The following DNAJC1 variants were observed in gnomAD, a reference collection of about 807,000 sequenced individuals.
DNAJC1 encodes dnaJ homolog subfamily C member 1.
A neutral mutation model predicts 76.6 loss-of-function variants in DNAJC1; 58 were observed. The ratio of observed to expected loss-of-function variants is 0.76; its 90% confidence interval spans 0.61 to 0.94. DNAJC1 has a LOEUF of 0.94. Ranked by LOEUF, DNAJC1 falls within the 40% of genes least tolerant of loss-of-function variation. The probability of loss-of-function intolerance (pLI) is 0.00; values close to 1 mark genes in which losing one functional copy is unlikely to be tolerated. For synonymous variants in DNAJC1, 258 were observed against 267.9 expected, an observed-to-expected ratio of 0.96 and a Z score of 0.36; for missense variants, 689 against 677.3, an observed-to-expected ratio of 1.02 and a Z score of -0.19.
At chr10:21,809,548 T>TATTAGATATACATAACAC (rs1360985958) in intron 8 of DNAJC1, among the ~76,000 whole-genome samples, 4 of 151,232 alleles carry the variant, frequency 2.6e-5, no homozygotes, top group Non-Finnish European at 5.9e-5. Flanking sequence ...TATAACATAT[T>TATTAGATATACATAACAC]ATTAGATATA....
In DNAJC1 at chr10:21,800,191, A is replaced by T. The variant is rs113411319; in HGVS notation, c.1098+5789T>A. Among the ~76,000 whole-genome samples, 1,105 of 152,280 alleles carry T rather than the reference A, an allele frequency of 7.3e-3. 14 individuals carry two copies. Among genetic ancestry groups the T allele is most frequent in the African/African-American group, 0.024 (1,018 of 41,572 alleles). ...CATCAGACGTGGACCCCTTGTACCA[A>T]GTCTCTGTGTTTTCTTTTGCAAGTA... On this transcript the variant is annotated intron_variant, in intron 9 of 11. Transcript: ENST00000376980.
At chr10:21,916,567 T>C (rs1224944735) in intron 6 of DNAJC1, among the ~76,000 whole-genome samples, 1 of 152,342 alleles carries the variant, frequency 6.6e-6, no homozygotes, top group East Asian at 1.9e-4. Flanking sequence ...TTTAAAAGTT[T>C]AAGGTTGTAC....
intron 9 of DNAJC1, among the ~76,000 whole-genome samples, chr10:21,772,681 A>C (rs1339688657): frequency 6.6e-6 from 1 of 152,126 alleles, no homozygotes; most frequent in Non-Finnish European, 1.5e-5. Context: ...TTTTCCAAGA[A>C]TCAGCTTTTG....
intron 1 of DNAJC1, among the ~76,000 whole-genome samples, chr10:21,930,440 C>T (rs1590054200): frequency 6.6e-6 from 1 of 152,098 alleles, no homozygotes; most frequent in Admixed American, 6.6e-5. Context: ...AAACACCAAA[C>T]CAAACCAACA....
At chr10:21,770,705 G>T (rs1834363935) in intron 9 of DNAJC1, among the ~76,000 whole-genome samples, 2 of 152,158 alleles carry the variant, frequency 1.3e-5, no homozygotes, top group Non-Finnish European at 2.9e-5. Context: ...GGCCAGAGTT[G>T]TAAGATTCTT....
chr10:21,864,029 CCT>C lies in DNAJC1; in HGVS notation c.978+18251_978+18252del, dbSNP rs1411176593. On this transcript the variant is annotated intron_variant, in intron 8 of 11. Transcript: ENST00000376980. The stretch of plus-strand genomic sequence containing the variant: ...ACCAGCCTAAGGAACATGGCAAAAC[CCT>C]GTCTCTATTTAAAATATGTACAAAA... 8.6e-5 allele frequency among the ~76,000 whole-genome samples: 13 copies of C among 151,746 alleles called. No homozygotes were observed. The South Asian group carries it at 1.9e-3, about 22-fold the overall frequency.
At chr10:21,985,614 T>G (rs895018725) in intron 1 of DNAJC1, among the ~76,000 whole-genome samples, 2 of 152,166 alleles carry the variant, frequency 1.3e-5, no homozygotes, top group Non-Finnish European at 2.9e-5. Flanking sequence ...AAATCATACA[T>G]GTAGTTGTTT....
At chr10:21,995,282 A>G (rs1838398264) in intron 1 of DNAJC1, among the ~76,000 whole-genome samples, 1 of 152,174 alleles carries the variant, frequency 6.6e-6, no homozygotes, top group East Asian at 1.9e-4. Context: ...TGGTCTATTC[A>G]TACTTTCCCA....
chr10:21,915,572 C>A (rs750384920), intron 6 of DNAJC1, among the ~76,000 whole-genome samples: 1 of 152,070 alleles, frequency 6.6e-6, no homozygotes, highest in Admixed American at 6.5e-5. Context: ...AAGGAATTTA[C>A]GCCAAAAGTA....
chr10:21,896,895 C>T (rs1320493157), intron 7 of DNAJC1, among the ~76,000 whole-genome samples: 1 of 152,078 alleles, frequency 6.6e-6, no homozygotes, highest in Admixed American at 6.6e-5. Context: ...AAGACTCTTA[C>T]AAAAGAGACT....
At chr10:21,928,902 G>GA (rs969781418) in intron 2 of DNAJC1, 138 bp downstream of exon 2, 56 of 549,424 alleles carry the variant, frequency 1.0e-4, no homozygotes, top group African/African-American at 6.7e-4. Context: ...GTAGAAACTT[G>GA]AAAAAAAATA....
At chr10:21,869,250 T>G (rs1420469035) in intron 8 of DNAJC1, among the ~76,000 whole-genome samples, 1 of 148,546 alleles carries the variant, frequency 6.7e-6, no homozygotes, top group Non-Finnish European at 1.5e-5. Context: ...ACATTTGCCA[T>G]CTATTCTCTC....
intron 1 of DNAJC1, among the ~76,000 whole-genome samples, chr10:21,958,721 T>G (rs1478788724): frequency 1.3e-5 from 2 of 152,010 alleles, no homozygotes; most frequent in Non-Finnish European, 2.9e-5. Flanking sequence ...CCACCGCGCC[T>G]GGCCCAGATT....
At chr10:21,810,966 C>A (rs1834955444) in intron 8 of DNAJC1, among the ~76,000 whole-genome samples, 1 of 152,164 alleles carries the variant, frequency 6.6e-6, no homozygotes, top group Non-Finnish European at 1.5e-5. Flanking sequence ...TCCAAAGGGA[C>A]CCAATACAGT....
chr10:21,838,482 C>T (rs1258445948), intron 8 of DNAJC1, among the ~76,000 whole-genome samples: 1 of 152,146 alleles, frequency 6.6e-6, no homozygotes, highest in Non-Finnish European at 1.5e-5. Context: ...GACACAAACA[C>T]TGCAGAAGGC....
intron 8 of DNAJC1, among the ~76,000 whole-genome samples, chr10:21,854,742 G>C (rs1210592126): frequency 6.6e-6 from 1 of 152,176 alleles, no homozygotes; most frequent in East Asian, 1.9e-4. Context: ...TTAATTATAA[G>C]ATACACTTAT....
At position 21,871,300 on chromosome 10, in the gene DNAJC1, C is replaced by G. The variant is rs186352261; in HGVS notation, c.978+10982G>C. Among the ~76,000 whole-genome samples the G allele has an allele frequency of 2.2e-3, 332 of 149,440 alleles. 4 individuals are homozygous for G. Among genetic ancestry groups the G allele is most frequent in the African/African-American group, 7.8e-3 (315 of 40,212 alleles). On this transcript the variant is annotated intron_variant, in intron 8 of 11. Transcript: ENST00000376980. ...AGGAAAGTTCTGAGAAGGCGCTAAGCTCTCACCTGCTGCTGACATTAAGGC... is the reference window on the plus strand; with the variant it reads ...AGGAAAGTTCTGAGAAGGCGCTAAGGTCTCACCTGCTGCTGACATTAAGGC...
At chr10:21,970,127 A>G (rs1180406339) in intron 1 of DNAJC1, among the ~76,000 whole-genome samples, 2 of 152,124 alleles carry the variant, frequency 1.3e-5, no homozygotes, top group Non-Finnish European at 2.9e-5. Context: ...TGGTGTTTCT[A>G]AGTTTTCTTG....
At chr10:21,921,931 C>G (rs1837050031) in intron 3 of DNAJC1, among the ~76,000 whole-genome samples, 1 of 152,006 alleles carries the variant, frequency 6.6e-6, no homozygotes, top group Non-Finnish European at 1.5e-5. Context: ...GTTAATTGAA[C>G]ACAACTCATT....
Sources: gnomAD v4.1 joint callset for allele counts (sites outside exome capture counted in the v4.1 genomes callset) on GRCh38, gnomAD v4.1.1 for gene constraint, MANE v1.5 for transcripts, NCBI Gene and HGNC (gene_info 2026-07-23, HGNC 2026-07-21) for gene names.